The following TRAPPC11 variants were observed in gnomAD, a reference collection of about 807,000 sequenced individuals.
TRAPPC11 encodes trafficking protein particle complex subunit 11, also known as foie gras homolog.
In TRAPPC11, 104 loss-of-function variants were observed where a neutral mutation model predicts 151.2. The observed-to-expected ratio is 0.69, with a 90% CI of 0.59 to 0.81. The LOEUF (loss-of-function observed/expected upper bound fraction) is 0.81. Ranked by LOEUF, TRAPPC11 falls within the 30% of genes least tolerant of loss-of-function variation. The pLI is 0.00. For missense variants in TRAPPC11, 1,230 were observed against 1,349.6 expected, an observed-to-expected ratio of 0.91 and a Z score of 1.39; for synonymous variants, 456 against 472.3, an observed-to-expected ratio of 0.97 and a Z score of 0.45.
chr4:183,661,518 C>T (rs1307878074), intron 1 of TRAPPC11, among the ~76,000 whole-genome samples: 1 of 150,890 alleles, frequency 6.6e-6, no homozygotes, highest in Non-Finnish European at 1.5e-5. Context: ...ACTACAGGCG[C>T]CCACCACCAT....
chr4:183,687,409 A>T (rs1055744839), intron 18 of TRAPPC11, among the ~76,000 whole-genome samples: 3 of 151,920 alleles, frequency 2.0e-5, no homozygotes, highest in Non-Finnish European at 4.4e-5. Context: ...GTGCAATCAT[A>T]GCTCACTGTA....
rs867889143 is a variant in TRAPPC11 at position 183,712,745 on chromosome 4, C to T, written c.*101C>T. 2.4e-6 allele frequency: 3 copies of T among 1,245,358 alleles called. No individual in the cohort carries two copies. The highest frequency in any genetic ancestry group is 1.9e-4 in the Middle Eastern group (1 of 5,286). 77.1% of individuals were successfully genotyped at this position (1,245,358 alleles called of 1,614,324 possible). Reference sequence around the variant, plus strand: ...GCTTTGATCATGGTAAAAAGTTAACCTTTTCTATTTTTTAATGGATGTTAT... The same window carrying T: ...GCTTTGATCATGGTAAAAAGTTAACTTTTTCTATTTTTTAATGGATGTTAT... On this transcript the variant is annotated 3_prime_UTR_variant, in exon 30 of 30. Coordinates refer to ENST00000334690, the MANE Select transcript of TRAPPC11 (RefSeq NM_021942.6).
At chr4:183,663,824 A>G in intron 1 of TRAPPC11, 23 bp from the exon 2 acceptor site, 1 of 1,420,192 alleles carries the variant, frequency 7.0e-7, no homozygotes, top group Non-Finnish European at 9.7e-7. Flanking sequence ...TTAATTATGA[A>G]TGTATTAACA....
At chr4:183,694,542 A>C (rs1736430213) in intron 22 of TRAPPC11, 62 bp from the exon 23 acceptor site, 4 of 1,503,582 alleles carry the variant, frequency 2.7e-6, no homozygotes, top group African/African-American at 2.8e-5. Flanking sequence ...ATTATCCTAG[A>C]ATATATATCA....
chr4:183,709,179 A>G (rs1737220970), intron 29 of TRAPPC11, among the ~76,000 whole-genome samples: 2 of 152,168 alleles, frequency 1.3e-5, no homozygotes, highest in African/African-American at 4.8e-5. Context: ...TCTAACATAC[A>G]TATACATTAA....
intron 1 of TRAPPC11, among the ~76,000 whole-genome samples, chr4:183,662,889 C>T (rs1043069945): frequency 5.9e-5 from 9 of 151,550 alleles, no homozygotes; most frequent in Non-Finnish European, 8.8e-5. Flanking sequence ...CTGAAAATGC[C>T]GATTTGTCTT....
At chr4:183,686,082 C>T (rs1305028693) in intron 17 of TRAPPC11, among the ~76,000 whole-genome samples, 1 of 152,120 alleles carries the variant, frequency 6.6e-6, no homozygotes, top group South Asian at 2.1e-4. Context: ...AGGTGATGCA[C>T]CCGCCTGAGC....
chr4:183,662,420 TATA>T (rs140159130), intron 1 of TRAPPC11, among the ~76,000 whole-genome samples: 1,511 of 149,186 alleles, frequency 0.01, 22 homozygotes, highest in African/African-American at 0.036. Context: ...ATATTAAAAA[TATA>T]ATGACAGTCT....
intron 1 of TRAPPC11, among the ~76,000 whole-genome samples, chr4:183,662,947 A>G (rs1269991309): frequency 6.6e-6 from 1 of 152,180 alleles, no homozygotes; most frequent in Non-Finnish European, 1.5e-5. Context: ...TAAATGTCAT[A>G]TAGTTATTAC....
chr4:183,685,075 T>C lies in TRAPPC11; in HGVS notation c.1568-9T>C. ...ACTTAAAATGTTTTTCCTTCTTTCT[T>C]CATACTAGCTTCAACTCTGAAAGAT... On this transcript the variant is annotated splice_polypyrimidine_tract_variant and intron_variant, in intron 15 of 29. Transcript: ENST00000334690. 5 of 1,611,822 alleles carry C rather than the reference T, an allele frequency of 3.1e-6. No homozygotes were observed. The highest frequency in any genetic ancestry group is 4.2e-6 in the Non-Finnish European group (5 of 1,179,154).
At position 183,701,826 on chromosome 4, in the gene TRAPPC11, C is replaced by T. The variant is rs780296660; in HGVS notation, c.2963+18C>T. 6.9e-7 allele frequency: 1 copy of T among 1,455,522 alleles called. No individual in the cohort carries two copies. The highest frequency in any genetic ancestry group is 9.7e-7 in the Non-Finnish European group (1 of 1,035,792). 90.2% of individuals were successfully genotyped at this position (1,455,522 alleles called of 1,614,324 possible). ...TGGAAAAGGTAAGAATTATGTCAAT[C>T]CTGTCTTTTCTTCAATGTCTCTGTT... On this transcript the variant is annotated intron_variant, in intron 26 of 29. Coordinates refer to ENST00000334690, the MANE Select transcript of TRAPPC11 (RefSeq NM_021942.6).
chr4:183,674,044 A>G (rs1354140345), intron 5 of TRAPPC11, among the ~76,000 whole-genome samples: 2 of 152,206 alleles, frequency 1.3e-5, no homozygotes, highest in Non-Finnish European at 2.9e-5. Flanking sequence ...AATCTAATTG[A>G]TTAATAATTT....
chr4:183,709,790 C>A lies in TRAPPC11; in HGVS notation c.3357+1216C>A, dbSNP rs149791683. Among the ~76,000 whole-genome samples the A allele has an allele frequency of 2.4e-3, 365 of 152,070 alleles. 1 individual carries two copies. The highest frequency in any genetic ancestry group is 8.4e-3 in the African/African-American group (347 of 41,518). On this transcript the variant is annotated intron_variant, in intron 29 of 29. Coordinates refer to ENST00000334690, the MANE Select transcript of TRAPPC11 (RefSeq NM_021942.6). ...ACACTGTCTCAAAATAAATAAATAA[C>A]TTGTAAAAGAAAAATCTCATAATTT...
At chr4:183,664,803 A>G (rs897560856) in intron 2 of TRAPPC11, among the ~76,000 whole-genome samples, 1 of 151,290 alleles carries the variant, frequency 6.6e-6, no homozygotes, top group Admixed American at 6.6e-5. Context: ...TTTAGTTCTG[A>G]CCCCTATCCT....
chr4:183,675,401 T>C, intron 7 of TRAPPC11, among the ~76,000 whole-genome samples, 164 bp downstream of exon 7: 1 of 152,206 alleles, frequency 6.6e-6, no homozygotes, highest in East Asian at 1.9e-4. Flanking sequence ...TTTTAGGATT[T>C]TTAAAAATTT....
chr4:183,708,368 G>A (rs1737181267), intron 28 of TRAPPC11, 39 bp from the exon 29 acceptor site: 2 of 1,593,642 alleles, frequency 1.3e-6, no homozygotes, highest in Non-Finnish European at 1.7e-6. Flanking sequence ...GCACATATGT[G>A]TATTTGATTA....
chr4:183,682,607 G>A (rs1735751271), intron 10 of TRAPPC11, 125 bp from the exon 11 acceptor site: 1 of 442,610 alleles, frequency 2.3e-6, no homozygotes, highest in Admixed American at 4.3e-5. Flanking sequence ...TCACAAATTT[G>A]ATAATTGAAT....
chr4:183,668,569 T>C (rs558966724), intron 5 of TRAPPC11, among the ~76,000 whole-genome samples: 2 of 152,348 alleles, frequency 1.3e-5, no homozygotes, highest in South Asian at 2.1e-4. Context: ...TTGAGTGACA[T>C]GTATGTCCTT....
chr4:183,693,822 A>G, intron 21 of TRAPPC11, 85 bp downstream of exon 21: 1 of 1,594,978 alleles, frequency 6.3e-7, no homozygotes. Context: ...ACTTTTGTTT[A>G]CAAGAGGGTA....
Sources: gnomAD v4.1 joint callset for allele counts (sites outside exome capture counted in the v4.1 genomes callset) on GRCh38, gnomAD v4.1.1 for gene constraint, MANE v1.5 for transcripts, NCBI Gene and HGNC (gene_info 2026-07-23, HGNC 2026-07-21) for gene names.